EYS: variants seen among roughly 807,000 people sequenced by gnomAD.
EYS encodes the protein EGF-like photoreceptor maintenance factor, also known as protein eyes shut homolog.
EYS carries 250 observed loss-of-function variants against 282.1 expected under a neutral mutation model. The ratio of observed to expected loss-of-function variants is 0.89; its 90% CI spans 0.80 to 0.98. The LOEUF (loss-of-function observed/expected upper bound fraction) is 0.98, where lower values mean the gene tolerates loss of function less well. Among genes scored for constraint, EYS ranks in the 50% least tolerant of loss-of-function variants. EYS has a pLI of 0.00. For missense variants in EYS, 4,016 were observed against 3,709.0 expected, an observed-to-expected ratio of 1.08 and a Z score of -2.15; for synonymous variants, 1,355 against 1,282.9, an observed-to-expected ratio of 1.06 and a Z score of -1.20.
chr6:64,398,545 T>C (rs998907548), intron 28 of EYS, among the ~76,000 whole-genome samples: 4 of 151,826 alleles, frequency 2.6e-5, no homozygotes, highest in Non-Finnish European at 5.9e-5. Context: ...CGTTCAAACA[T>C]ATTTATCCAC....
chr6:65,102,958 G>A (rs1774935274), intron 12 of EYS, among the ~76,000 whole-genome samples: 1 of 151,360 alleles, frequency 6.6e-6, no homozygotes, highest in East Asian at 1.9e-4. Context: ...AAAGTGTGTG[G>A]TTTAAACACT....
chr6:65,489,475 A>C (rs992261841), intron 5 of EYS: 6 of 152,194 alleles, frequency 3.9e-5, no homozygotes, highest in African/African-American at 1.4e-4. Context: ...GTCAGGAAAC[A>C]ACAGATGCTA....
At chr6:63,747,173 C>T (rs1376241516) in intron 41 of EYS, among the ~76,000 whole-genome samples, 1 of 152,136 alleles carries the variant, frequency 6.6e-6, no homozygotes, top group South Asian at 2.1e-4. Flanking sequence ...TTTCAAAGAA[C>T]TTATTTATTT....
intron 41 of EYS, among the ~76,000 whole-genome samples, chr6:63,736,968 C>G (rs1768930422): frequency 6.6e-6 from 1 of 152,094 alleles, no homozygotes; most frequent in African/African-American, 2.4e-5. Context: ...AGTTGCTTAT[C>G]AGCTTAAGGA....
intron 8 of EYS, among the ~76,000 whole-genome samples, chr6:65,365,429 C>G (rs1764878868): frequency 1.3e-5 from 2 of 151,544 alleles, no homozygotes; most frequent in African/African-American, 4.8e-5. Context: ...TCCTGTATCT[C>G]CCCCTGTGTG....
intron 26 of EYS, among the ~76,000 whole-genome samples, chr6:64,501,015 T>C (rs9451822): frequency 0.022 from 3,230 of 146,338 alleles, 58 homozygotes; most frequent in African/African-American, 0.056. Context: ...CTACTTGTCA[T>C]TATTTTGGGA....
rs532300499 is a variant in EYS at position 65,606,109 on chromosome 6, T to A, written c.-333+33669A>T. Among the ~76,000 whole-genome samples, 3 of 151,714 alleles carry A rather than the reference T, an allele frequency of 2.0e-5. No homozygotes were observed. In the South Asian group the frequency reaches 6.2e-4, roughly 32 times the overall value. On this transcript the variant is annotated intron_variant, in intron 2 of 42. Transcript: ENST00000503581. ...CGCAAATTTTTAAAAACAATATTTATTTACATGACAAAATGGTAGTCTCTA... is the reference window on the plus strand; with the variant it reads ...CGCAAATTTTTAAAAACAATATTTAATTACATGACAAAATGGTAGTCTCTA...
At chr6:64,356,703 C>T (rs1386147205) in intron 29 of EYS, among the ~76,000 whole-genome samples, 1 of 151,574 alleles carries the variant, frequency 6.6e-6, no homozygotes, top group Non-Finnish European at 1.5e-5. Context: ...AAAGATGACA[C>T]AATTATCCAG....
intron 26 of EYS, among the ~76,000 whole-genome samples, chr6:64,518,494 TAA>T (rs1243407496): frequency 2.0e-5 from 3 of 151,988 alleles, no homozygotes; most frequent in Admixed American, 6.6e-5. Flanking sequence ...TCTTGTAAGC[TAA>T]GTTTCCCCCT....
At chr6:65,224,993 T>A (rs1766583106) in intron 12 of EYS, among the ~76,000 whole-genome samples, 1 of 151,924 alleles carries the variant, frequency 6.6e-6, no homozygotes, top group East Asian at 1.9e-4. Flanking sequence ...TTAAAGAAAG[T>A]TTTTCAGATA....
chr6:65,119,573 G>C (rs925680334), intron 12 of EYS, among the ~76,000 whole-genome samples: 2 of 150,724 alleles, frequency 1.3e-5, no homozygotes, highest in Middle Eastern at 3.5e-3. Context: ...CCTCCACTGG[G>C]GTTTGCCACA....
chr6:65,158,161 A>G (rs1206662042), intron 12 of EYS, among the ~76,000 whole-genome samples: 1 of 150,910 alleles, frequency 6.6e-6, no homozygotes, highest in African/African-American at 2.4e-5. Context: ...TGTCTACAAC[A>G]TACAATCACC....
chr6:65,071,168 A>T (rs2150165860), intron 12 of EYS, among the ~76,000 whole-genome samples: 1 of 151,948 alleles, frequency 6.6e-6, no homozygotes, highest in South Asian at 2.1e-4. Flanking sequence ...AAATGGATGA[A>T]GTAGTTATCA....
At chr6:64,165,114 G>T (rs1423959748) in intron 31 of EYS, among the ~76,000 whole-genome samples, 1 of 151,970 alleles carries the variant, frequency 6.6e-6, no homozygotes, top group Admixed American at 6.6e-5. Flanking sequence ...TATAAGTAGG[G>T]TCATAAAACT....
intron 29 of EYS, among the ~76,000 whole-genome samples, chr6:64,368,920 T>C (rs673279): frequency 0.63 from 95,017 of 151,916 alleles, 30,479 homozygotes; most frequent in South Asian, 0.71. Flanking sequence ...AGGTCCCATT[T>C]GTCAGCTTTT....
chr6:65,625,487 A>G (rs1766658367), intron 2 of EYS, among the ~76,000 whole-genome samples: 1 of 152,212 alleles, frequency 6.6e-6, no homozygotes, highest in Admixed American at 6.5e-5. Flanking sequence ...TCTTTCCAAT[A>G]TGAACAACAA....
intron 30 of EYS, among the ~76,000 whole-genome samples, chr6:64,294,707 T>C (rs954768680): frequency 6.6e-6 from 1 of 152,184 alleles, no homozygotes; most frequent in Non-Finnish European, 1.5e-5. Context: ...TCAAAGATAA[T>C]AGTGGATAAA....
chr6:65,396,990 C>T (rs1303788063), intron 7 of EYS, among the ~76,000 whole-genome samples: 1 of 151,706 alleles, frequency 6.6e-6, no homozygotes, highest in Non-Finnish European at 1.5e-5. Flanking sequence ...AGTTTATTAG[C>T]TTCTCTAATA....
chr6:65,392,801 A>G (rs1309790815), intron 7 of EYS, among the ~76,000 whole-genome samples: 1 of 151,096 alleles, frequency 6.6e-6, no homozygotes, highest in Non-Finnish European at 1.5e-5. Flanking sequence ...ATACCATTTG[A>G]CCCAGCCATC....
Sources: gnomAD v4.1 joint callset for allele counts (sites outside exome capture counted in the v4.1 genomes callset) on GRCh38, gnomAD v4.1.1 for gene constraint, MANE v1.5 for transcripts, NCBI Gene and HGNC (gene_info 2026-07-23, HGNC 2026-07-21) for gene names.